Variants in SLC38A9 observed in about 807,000 individuals in gnomAD.
The protein encoded by SLC38A9 is solute carrier family 38 member 9.
SLC38A9 carries 48 observed loss-of-function variants against 62.3 expected under a neutral mutation model. The observed-to-expected ratio is 0.77, with a 90% CI of 0.61 to 0.98. The LOEUF (loss-of-function observed/expected upper bound fraction) is 0.98. SLC38A9 is among the 50% of genes least tolerant of loss of function. SLC38A9 has a pLI of 0.00. For synonymous variants in SLC38A9, 204 were observed against 227.7 expected (o/e 0.90, Z 0.94); for missense variants, 541 against 679.8 (o/e 0.80, Z 2.27).
intron 2 of SLC38A9, among the ~76,000 whole-genome samples, chr5:55,710,350 G>A (rs67298265): frequency 0.093 from 14,156 of 151,560 alleles, 1,063 homozygotes; most frequent in African/African-American, 0.21. Context: ...TTACAGATGA[G>A]ACGCATACCA....
chr5:55,665,682 G>T (rs1452026841), intron 7 of SLC38A9, among the ~76,000 whole-genome samples: 1 of 152,032 alleles, frequency 6.6e-6, no homozygotes, highest in Non-Finnish European at 1.5e-5. Context: ...AGACAAACAG[G>T]GCTGGGCATG....
intron 2 of SLC38A9, among the ~76,000 whole-genome samples, chr5:55,708,555 A>G (rs1318526754): frequency 6.6e-6 from 1 of 152,260 alleles, no homozygotes; most frequent in African/African-American, 2.4e-5. Context: ...TGCTAGCATC[A>G]ATCTGCAATA....
At chr5:55,707,842 C>A (rs1353284116) in intron 2 of SLC38A9, among the ~76,000 whole-genome samples, 1 of 152,112 alleles carries the variant, frequency 6.6e-6, no homozygotes, top group Non-Finnish European at 1.5e-5. Context: ...GAAGGCAGAA[C>A]CCTTATGAAT....
intron 3 of SLC38A9, among the ~76,000 whole-genome samples, chr5:55,675,584 A>T (rs951430123): frequency 6.6e-6 from 1 of 152,212 alleles, no homozygotes; most frequent in Admixed American, 6.5e-5. Context: ...ACATAGTTTC[A>T]CATTACTGCT....
At position 55,669,552 on chromosome 5, in the gene SLC38A9, A is replaced by C. The variant is rs745394369; in HGVS notation, c.432+5T>G. 1 of 1,600,846 alleles carries C rather than the reference A, an allele frequency of 6.2e-7. No homozygotes were observed. Among genetic ancestry groups the C allele is most frequent in the South Asian group, 1.1e-5 (1 of 87,390 alleles). On this transcript the variant is annotated splice_donor_5th_base_variant and intron_variant, in intron 6 of 15. Transcript: ENST00000396865. ...GCAAAAAGTGTGCTGAAAAATTAGT[A>C]TTACCTGTTTTATGCCCCAAGGAAT... is the stretch of plus-strand genomic sequence containing the variant.
chr5:55,668,458 C>T (rs553837457), intron 7 of SLC38A9, among the ~76,000 whole-genome samples: 1 of 152,118 alleles, frequency 6.6e-6, no homozygotes, highest in Non-Finnish European at 1.5e-5. Context: ...GCCCCAAACT[C>T]CTGGGCTAAA....
At chr5:55,677,963 T>TG (rs1561395903) in intron 3 of SLC38A9, among the ~76,000 whole-genome samples, 5 of 120,304 alleles carry the variant, frequency 4.2e-5, no homozygotes, top group Non-Finnish European at 7.3e-5. Flanking sequence ...TGTGTGTGTG[T>TG]AGTGTGTTGG....
chr5:55,650,172 T>G (rs1747138685), intron 10 of SLC38A9, among the ~76,000 whole-genome samples: 1 of 152,136 alleles, frequency 6.6e-6, no homozygotes, highest in Non-Finnish European at 1.5e-5. Flanking sequence ...TTTGACTGGG[T>G]AGCACTACTT....
rs1341862673 is a variant in SLC38A9, at chr5:55,633,608, G to C, written c.1430+146C>G. On this transcript the variant is annotated intron_variant, in intron 14 of 15. Transcript: ENST00000396865. ...TGGCTTCTATTTTTAAAGCTCTTCAGGGAAGAGGACACCAATGATCTATCT... is the reference window on the plus strand; with the variant it reads ...TGGCTTCTATTTTTAAAGCTCTTCACGGAAGAGGACACCAATGATCTATCT... 5 of 1,071,478 alleles carry C rather than the reference G, an allele frequency of 4.7e-6. No homozygotes were observed. In the African/African-American group the frequency reaches 4.8e-5, roughly 10 times the overall value. The allele number at this position is 1,071,478 out of a possible 1,614,324, so 66.4% of individuals were successfully genotyped here. A position where few individuals can be genotyped will look rare whatever the true frequency, so the allele number is the denominator to read the frequency against.
At chr5:55,712,150 G>T (rs1196615505) in intron 1 of SLC38A9, 67 bp downstream of exon 1, 1 of 152,388 alleles carries the variant, frequency 6.6e-6, no homozygotes, top group African/African-American at 2.4e-5. Context: ...CCTTCCCGCC[G>T]CCTTCCCTCG....
intron 7 of SLC38A9, among the ~76,000 whole-genome samples, chr5:55,666,545 G>C (rs1232372694): frequency 1.3e-5 from 2 of 152,164 alleles, no homozygotes; most frequent in Non-Finnish European, 1.5e-5. Flanking sequence ...GGGGACATTA[G>C]AATATGAGAA....
intron 3 of SLC38A9, among the ~76,000 whole-genome samples, chr5:55,682,486 T>C (rs1352254222): frequency 6.6e-6 from 1 of 152,182 alleles, no homozygotes; most frequent in Non-Finnish European, 1.5e-5. Flanking sequence ...TAATGAAAAA[T>C]GAGTTCTAAA....
chr5:55,651,946 A>G (rs1198769469), intron 10 of SLC38A9, among the ~76,000 whole-genome samples: 4 of 135,920 alleles, frequency 2.9e-5, no homozygotes, highest in Non-Finnish European at 6.4e-5. Flanking sequence ...TGAGAAACCA[A>G]ATAATTCATG....
intron 10 of SLC38A9, among the ~76,000 whole-genome samples, chr5:55,651,645 G>A (rs1470587704): frequency 6.6e-6 from 1 of 151,976 alleles, no homozygotes; most frequent in African/African-American, 2.4e-5. Flanking sequence ...AGGCAATAGC[G>A]TTCTAAGAAA....
intron 8 of SLC38A9, among the ~76,000 whole-genome samples, chr5:55,660,965 A>G (rs948700600): frequency 1.0e-5 from 1 of 95,818 alleles, no homozygotes; most frequent in Non-Finnish European, 2.5e-5. Flanking sequence ...TATGTGTTTG[A>G]GATTTTTTAT....
chr5:55,684,359 A>C (rs908564331), intron 3 of SLC38A9, among the ~76,000 whole-genome samples: 1 of 152,214 alleles, frequency 6.6e-6, no homozygotes, highest in Non-Finnish European at 1.5e-5. Flanking sequence ...CTTGAAACCT[A>C]AAGTATTTTC....
chr5:55,646,004 T>C, intron 11 of SLC38A9, 109 bp from the exon 12 acceptor site: 1 of 675,974 alleles, frequency 1.5e-6, no homozygotes, highest in Non-Finnish European at 2.5e-6. Flanking sequence ...ATCCAGGGAA[T>C]AAGAATATTA....
At chr5:55,681,976 G>C (rs1355250474) in intron 3 of SLC38A9, among the ~76,000 whole-genome samples, 2 of 152,012 alleles carry the variant, frequency 1.3e-5, no homozygotes, top group Non-Finnish European at 2.9e-5. Flanking sequence ...ATTTACTAAC[G>C]TGTCCTTTAT....
At chr5:55,666,490 T>C (rs1750483810) in intron 7 of SLC38A9, among the ~76,000 whole-genome samples, 1 of 152,190 alleles carries the variant, frequency 6.6e-6, no homozygotes, top group Non-Finnish European at 1.5e-5. Context: ...AAGCAAAATA[T>C]GGCAGCTAGT....
Sources: gnomAD v4.1 joint callset for allele counts (sites outside exome capture counted in the v4.1 genomes callset) on GRCh38, gnomAD v4.1.1 for gene constraint, MANE v1.5 for transcripts, NCBI Gene and HGNC (gene_info 2026-07-23, HGNC 2026-07-21) for gene names.